LMO7: variants seen among roughly 807,000 people sequenced by gnomAD.
The protein encoded by LMO7 is LIM domain 7.
In LMO7, 120 loss-of-function variants were observed where a neutral mutation model predicts 206.5. The observed-to-expected ratio is 0.58, with a 90% CI of 0.50 to 0.68. The LOEUF (loss-of-function observed/expected upper bound fraction) is 0.68, where lower values mean the gene tolerates loss of function less well. Among genes scored for constraint, LMO7 ranks in the 30% least tolerant of loss-of-function variants. The probability of loss-of-function intolerance (pLI) is 0.00; values close to 1 mark genes in which losing one functional copy is unlikely to be tolerated. For synonymous variants in LMO7, 706 were observed against 681.5 expected (o/e 1.04, Z -0.56); for missense variants, 1,959 against 1,957.9 (o/e 1.00, Z -0.01).
intron 1 of LMO7, among the ~76,000 whole-genome samples, chr13:75,697,672 C>T (rs1196827707): frequency 6.6e-6 from 1 of 152,150 alleles, no homozygotes; most frequent in African/African-American, 2.4e-5. Context: ...GTGTATTGAT[C>T]TTTTATATTT....
rs150297385 is a variant in LMO7 at position 75,851,120 on chromosome 13, C to G, written c.4364+1828C>G. 1.9e-4 allele frequency among the ~76,000 whole-genome samples: 29 copies of G among 152,318 alleles called. 1 individual carries two copies. The highest frequency in any genetic ancestry group is 7.0e-4 in the African/African-American group (29 of 41,574). The stretch of plus-strand genomic sequence containing the variant: ...CTGATGCCCCATTGGCCAAATTAGT[C>G]ATGTGACTCACCCCAGAGTCAGTGG... On this transcript the variant is annotated intron_variant, in intron 27 of 30. Coordinates refer to ENST00000377534, the MANE Select transcript of LMO7 (RefSeq NM_001306080.2).
chr13:75,699,023 A>T (rs932159840), intron 1 of LMO7, among the ~76,000 whole-genome samples: 1 of 152,082 alleles, frequency 6.6e-6, no homozygotes, highest in Non-Finnish European at 1.5e-5. Flanking sequence ...TGTTCCTAGG[A>T]TTACCTTATT....
chr13:75,835,493 G>A (rs1566579549), intron 18 of LMO7, among the ~76,000 whole-genome samples, 154 bp downstream of exon 18: 1 of 152,192 alleles, frequency 6.6e-6, no homozygotes, highest in Non-Finnish European at 1.5e-5. Context: ...AAGAGATACA[G>A]TAAAATATAT....
intron 4 of LMO7, among the ~76,000 whole-genome samples, chr13:75,787,145 A>G (rs1177865156): frequency 6.6e-6 from 1 of 152,214 alleles, no homozygotes; most frequent in East Asian, 1.9e-4. Context: ...CATTTAATAA[A>G]CAGATCATAC....
chr13:75,636,514 G>C lies in LMO7; in HGVS notation c.-144G>C. On this transcript the variant is annotated 5_prime_UTR_variant, in exon 1 of 31. Coordinates refer to ENST00000377534, the MANE Select transcript of LMO7 (RefSeq NM_001306080.2). ...CTGCAGAGCGCAACAAAGGGAACTA[G>C]AGCCCCGGCGCCTTCGCAGCCGGAG... The C allele has an allele frequency of 2.7e-6, 4 of 1,506,214 alleles. No individual in the cohort carries two copies. The highest frequency in any genetic ancestry group is 3.5e-6 in the Non-Finnish European group (4 of 1,136,048). The allele number at this position is 1,506,214 out of a possible 1,614,324, so 93.3% of individuals were successfully genotyped here.
chr13:75,766,691 A>G (rs1277015895), intron 4 of LMO7, among the ~76,000 whole-genome samples: 1 of 152,122 alleles, frequency 6.6e-6, no homozygotes, highest in Non-Finnish European at 1.5e-5. Flanking sequence ...GAGATGACAT[A>G]GGTTTCTCAT....
At chr13:75,781,086 C>T (rs1179153575) in intron 4 of LMO7, among the ~76,000 whole-genome samples, 5 of 87,228 alleles carry the variant, frequency 5.7e-5, no homozygotes, top group African/African-American at 8.6e-5. Context: ...TTTAACCTTA[C>T]TCTATTTTCC....
intron 3 of LMO7, among the ~76,000 whole-genome samples, chr13:75,748,559 A>G (rs947041628): frequency 1.3e-5 from 2 of 152,210 alleles, no homozygotes; most frequent in East Asian, 3.8e-4. Flanking sequence ...AAAATTAGCT[A>G]TTAAGGGGAG....
intron 3 of LMO7, among the ~76,000 whole-genome samples, chr13:75,731,442 A>G (rs556092379): frequency 6.6e-6 from 1 of 152,262 alleles, no homozygotes; most frequent in African/African-American, 2.4e-5. Context: ...TCAGAGACTG[A>G]GATTTCAACC....
At chr13:75,634,293 C>A (rs1458452723), upstream of LMO7, among the ~76,000 whole-genome samples, 2 of 151,816 alleles carry the variant, frequency 1.3e-5, no homozygotes, top group East Asian at 3.9e-4. Flanking sequence ...CAGAAATTAG[C>A]TGGGTGTGGT....
intron 1 of LMO7, among the ~76,000 whole-genome samples, chr13:75,710,220 G>A (rs371818141): frequency 2.0e-5 from 3 of 152,086 alleles, no homozygotes; most frequent in Admixed American, 1.3e-4. Flanking sequence ...TATAGTTTGA[G>A]GTCAGGTAGC....
At chr13:75,680,447 G>C (rs1023287698) in intron 1 of LMO7, among the ~76,000 whole-genome samples, 7 of 152,144 alleles carry the variant, frequency 4.6e-5, no homozygotes, top group African/African-American at 1.7e-4. Context: ...CATATTTCTG[G>C]TTCTAAGTCT....
At chr13:75,848,936 T>C (rs1421321819) in intron 26 of LMO7, 143 bp from the exon 27 acceptor site, 1 of 608,502 alleles carries the variant, frequency 1.6e-6, no homozygotes. Context: ...TTTTGAGTTG[T>C]TGATTATGGC....
In LMO7 at chr13:75,778,694, T is replaced by C. The variant is rs79521745; in HGVS notation, c.318-16707T>C. On this transcript the variant is annotated intron_variant, in intron 4 of 30. Transcript: ENST00000377534. ...TTTTATTGTTTGTTTTTAATTCTAG[T>C]TGGGTAAGGCTAGAGGACTTATGTT... is the stretch of plus-strand genomic sequence containing the variant. Among the ~76,000 whole-genome samples, 706 of 152,336 alleles carry C rather than the reference T, an allele frequency of 4.6e-3. 5 individuals are homozygous for C. Among genetic ancestry groups the C allele is most frequent in the African/African-American group, 0.015 (626 of 41,580 alleles).
intron 25 of LMO7, among the ~76,000 whole-genome samples, chr13:75,844,511 G>A (rs1268906634): frequency 6.6e-6 from 1 of 151,828 alleles, no homozygotes; most frequent in East Asian, 1.9e-4. Flanking sequence ...CTGGGTTCAA[G>A]TGATTCTCCC....
intron 1 of LMO7, among the ~76,000 whole-genome samples, chr13:75,667,487 A>G (rs568630856): frequency 1.4e-4 from 21 of 152,110 alleles, no homozygotes; most frequent in African/African-American, 4.6e-4. Context: ...AATAATTTCT[A>G]TTGATCTGTC....
chr13:75,780,752 G>A (rs2051205567), intron 4 of LMO7, among the ~76,000 whole-genome samples: 1 of 152,194 alleles, frequency 6.6e-6, no homozygotes, highest in African/African-American at 2.4e-5. Context: ...GTAAAGACAG[G>A]TGTAAGAAAT....
intron 4 of LMO7, among the ~76,000 whole-genome samples, chr13:75,784,032 C>A (rs566567102): frequency 6.6e-6 from 1 of 152,028 alleles, no homozygotes; most frequent in Non-Finnish European, 1.5e-5. Flanking sequence ...TTTTGTACCC[C>A]CCTTCCCTTG....
In LMO7 at chr13:75,709,368, A is replaced by G. The variant is rs376911927; in HGVS notation, c.70-3814A>G. ...TCTACTTCAAGATCCCTGAGGAATC[A>G]CCACACTGACTTCCACAATGGTTGA... On this transcript the variant is annotated intron_variant, in intron 1 of 30. Transcript: ENST00000377534. Among the ~76,000 whole-genome samples, 734 of 152,174 alleles carry G rather than the reference A, an allele frequency of 4.8e-3. 5 individuals carry two copies. Among genetic ancestry groups the G allele is most frequent in the African/African-American group, 0.017 (704 of 41,408 alleles).
Sources: allele counts gnomAD v4.1 joint callset (sites outside exome capture counted in the v4.1 genomes callset), GRCh38; gene constraint gnomAD v4.1.1; transcripts MANE v1.5; gene names NCBI Gene and HGNC (gene_info 2026-07-23, HGNC 2026-07-21).